The following TLK2 variants were observed in gnomAD, a reference collection of about 807,000 sequenced individuals.
TLK2 encodes the protein tousled like kinase 2.
In TLK2, 6 loss-of-function variants were observed where a neutral mutation model predicts 117.3. The ratio of observed to expected loss-of-function variants is 0.05; its 90% CI spans 0.03 to 0.10. TLK2 has a LOEUF of 0.10. Among genes scored for constraint, TLK2 ranks in the 10% least tolerant of loss-of-function variants. The probability of loss-of-function intolerance (pLI) is 1.00; values close to 1 mark genes in which losing one functional copy is unlikely to be tolerated. For missense variants in TLK2, 299 were observed against 901.2 expected, an observed-to-expected ratio of 0.33 and a Z score of 8.56; for synonymous variants, 257 against 316.7, an observed-to-expected ratio of 0.81 and a Z score of 2.00.
chr17:62,568,061 A>G (rs747597017), intron 11 of TLK2, among the ~76,000 whole-genome samples: 3 of 152,198 alleles, frequency 2.0e-5, no homozygotes, highest in Non-Finnish European at 4.4e-5. Flanking sequence ...TGTTTAAAGA[A>G]GTCTCAAACA....
intron 2 of TLK2, among the ~76,000 whole-genome samples, chr17:62,504,942 C>G (rs1455968016): frequency 1.3e-5 from 2 of 152,128 alleles, no homozygotes; most frequent in Non-Finnish European, 2.9e-5. Context: ...CTCGCAGTTT[C>G]AAGTGATTCT....
chr17:62,473,899 TTTC>T (rs560685793), upstream of TLK2, among the ~76,000 whole-genome samples: 8 of 152,132 alleles, frequency 5.3e-5, no homozygotes, highest in Admixed American at 1.3e-4. Context: ...CTAGATTTTT[TTTC>T]TTTTCTTTTT....
intron 16 of TLK2, among the ~76,000 whole-genome samples, chr17:62,594,692 CCCCACTCA>C (rs1218629904): frequency 3.5e-4 from 53 of 152,042 alleles, no homozygotes; most frequent in African/African-American, 1.2e-3. Context: ...CCCACTCATT[CCCCACTCA>C]GGGTTGAGGG....
chr17:62,536,794 A>G (rs1162147089), intron 7 of TLK2, among the ~76,000 whole-genome samples: 1 of 152,230 alleles, frequency 6.6e-6, no homozygotes, highest in Non-Finnish European at 1.5e-5. Flanking sequence ...TATTTGGGCT[A>G]TGTACACACT....
intron 16 of TLK2, among the ~76,000 whole-genome samples, chr17:62,592,240 C>T (rs982839925): frequency 3.9e-5 from 6 of 151,998 alleles, no homozygotes; most frequent in East Asian, 1.9e-4. Flanking sequence ...ATTATAGGCA[C>T]GAGCCACTGC....
chr17:62,551,632 G>C (rs1005822657), intron 7 of TLK2: 1 of 152,070 alleles, frequency 6.6e-6, no homozygotes, highest in African/African-American at 2.4e-5. Context: ...ATGAACCCGG[G>C]AGGCAGAGCT....
chr17:62,611,426 A>G (rs562374869), intron 21 of TLK2, among the ~76,000 whole-genome samples: 3 of 152,222 alleles, frequency 2.0e-5, no homozygotes, highest in African/African-American at 7.2e-5. Flanking sequence ...TTTCAAATCA[A>G]CTTTGCTTTT....
At chr17:62,600,354 A>G (rs2082785658) in intron 17 of TLK2, 1 of 229,630 alleles carries the variant, frequency 4.4e-6, no homozygotes, top group South Asian at 1.6e-4. Flanking sequence ...TAGCTTAAAT[A>G]CATTATAGTT....
intron 16 of TLK2, among the ~76,000 whole-genome samples, chr17:62,595,283 C>CCT (rs2082388670): frequency 7.5e-6 from 1 of 133,352 alleles, no homozygotes; most frequent in African/African-American, 2.8e-5. Flanking sequence ...GCCTGGCCCC[C>CCT]TTTTTTTTTT....
intron 6 of TLK2, among the ~76,000 whole-genome samples, chr17:62,525,284 T>C (rs930073095): frequency 3.3e-5 from 5 of 152,136 alleles, no homozygotes; most frequent in Admixed American, 2.6e-4. Context: ...TAGGCTTCTG[T>C]ATTGTTAAAG....
chr17:62,515,435 C>A (rs1188188504), intron 2 of TLK2, among the ~76,000 whole-genome samples: 2 of 152,176 alleles, frequency 1.3e-5, no homozygotes, highest in African/African-American at 4.8e-5. Flanking sequence ...ATATTCCCAT[C>A]AACAGTGTGC....
chr17:62,522,034 G>C (rs2076079931), intron 3 of TLK2, among the ~76,000 whole-genome samples, 170 bp from the exon 4 acceptor site: 1 of 152,122 alleles, frequency 6.6e-6, no homozygotes, highest in Admixed American at 6.6e-5. Flanking sequence ...TTTGGTTCTA[G>C]ACCCTAATAC....
upstream of TLK2, among the ~76,000 whole-genome samples, chr17:62,478,256 G>A (rs2071153154): frequency 2.0e-5 from 3 of 151,648 alleles, no homozygotes; most frequent in Admixed American, 6.6e-5. Context: ...TAGGATTAGC[G>A]TCCTCTAAAC....
chr17:62,518,150 G>C (rs2075764097), intron 2 of TLK2, among the ~76,000 whole-genome samples: 1 of 152,176 alleles, frequency 6.6e-6, no homozygotes, highest in African/African-American at 2.4e-5. Context: ...TACTGTTCAA[G>C]GTCATCACCA....
intron 17 of TLK2, among the ~76,000 whole-genome samples, chr17:62,596,909 C>T (rs537152645): frequency 6.6e-6 from 1 of 152,296 alleles, no homozygotes; most frequent in South Asian, 2.1e-4. Context: ...TGAAGAGAGA[C>T]AGGGCTAATT....
intron 2 of TLK2, among the ~76,000 whole-genome samples, chr17:62,510,634 T>C (rs2075070028): frequency 6.6e-6 from 1 of 152,232 alleles, no homozygotes; most frequent in Non-Finnish European, 1.5e-5. Context: ...GATGTCTGCC[T>C]CCTTCCTGTG....
chr17:62,553,731 G>A lies in TLK2; in HGVS notation c.696G>A (p.Glu232=), dbSNP rs1214288946. 8 of 1,597,894 alleles carry A rather than the reference G, an allele frequency of 5.0e-6. No homozygotes were observed. The African/African-American group carries it at 1.1e-4, about 21-fold the overall frequency. Residue 232 remains glutamate (E), a synonymous_variant, in exon 9 of 22, where the codon GAG becomes GAA. Transcript: ENST00000346027. ...AGAATTCTGACTTAGAGAAGAAGGA[G>A]GGAAGAATAGATGATTTATTAAGAG... ...NSKNSDLEKK[E]GRIDDLLRAN...
chr17:62,512,739 T>C (rs1207005811), intron 2 of TLK2, among the ~76,000 whole-genome samples: 1 of 151,974 alleles, frequency 6.6e-6, no homozygotes, highest in East Asian at 1.9e-4. Context: ...TGGTGTCAAG[T>C]CTAGGAACTG....
chr17:62,555,693 G>A (rs1463851087), intron 9 of TLK2, among the ~76,000 whole-genome samples: 1 of 151,818 alleles, frequency 6.6e-6, no homozygotes, highest in Non-Finnish European at 1.5e-5. Context: ...TGGTCAGGCT[G>A]GTCTCGAACC....
Sources: gnomAD v4.1 joint callset for allele counts (sites outside exome capture counted in the v4.1 genomes callset) on GRCh38, gnomAD v4.1.1 for gene constraint, MANE v1.5 for transcripts, NCBI Gene and HGNC (gene_info 2026-07-23, HGNC 2026-07-21) for gene names.